The following MIPOL1 variants were observed in gnomAD, a reference collection of about 807,000 sequenced individuals.
MIPOL1 encodes mirror-image polydactyly 1, also known as mirror-image polydactyly gene 1 protein.
In MIPOL1, 57 loss-of-function variants were observed where a neutral mutation model predicts 60.9. The ratio of observed to expected loss-of-function variants is 0.94; its 90% CI spans 0.76 to 1.17. The LOEUF is 1.17. Among genes scored for constraint, MIPOL1 ranks in the 50% most tolerant of loss-of-function variants. MIPOL1 has a pLI of 0.00. For synonymous variants in MIPOL1, 179 were observed against 168.8 expected (o/e 1.06, Z -0.47); for missense variants, 551 against 511.6 (o/e 1.08, Z -0.74).
At chr14:37,538,545 A>C (rs1161383134) in intron 12 of MIPOL1, among the ~76,000 whole-genome samples, 1 of 152,226 alleles carries the variant, frequency 6.6e-6, no homozygotes, top group Non-Finnish European at 1.5e-5. Flanking sequence ...GAAATCTGAC[A>C]GGGATAAATG....
At chr14:37,505,914 A>AT (rs1294988817) in intron 12 of MIPOL1, 1 of 152,076 alleles carries the variant, frequency 6.6e-6, no homozygotes, top group Non-Finnish European at 1.5e-5. Context: ...AAGTCTCAGG[A>AT]TATAAAATCA....
chr14:37,367,963 T>C (rs2092529302), intron 9 of MIPOL1, among the ~76,000 whole-genome samples: 1 of 152,064 alleles, frequency 6.6e-6, no homozygotes, highest in Non-Finnish European at 1.5e-5. Context: ...GTTTAATATG[T>C]AGATCATGTG....
At chr14:37,515,534 T>A (rs558538005) in intron 12 of MIPOL1, among the ~76,000 whole-genome samples, 1 of 152,344 alleles carries the variant, frequency 6.6e-6, no homozygotes, top group African/African-American at 2.4e-5. Context: ...ACTGTGTATA[T>A]GTAAAAGCAT....
chr14:37,437,212 G>T (rs1031121985), intron 11 of MIPOL1, among the ~76,000 whole-genome samples: 3 of 152,006 alleles, frequency 2.0e-5, no homozygotes, highest in African/African-American at 7.2e-5. Flanking sequence ...AAAACTTCCT[G>T]GTTCTGATTG....
intron 11 of MIPOL1, among the ~76,000 whole-genome samples, chr14:37,472,126 T>C (rs1005329265): frequency 6.6e-6 from 1 of 152,198 alleles, no homozygotes; most frequent in African/African-American, 2.4e-5. Flanking sequence ...TTTGTAGTAG[T>C]CTCATAAAAT....
In MIPOL1 at chr14:37,244,104, C is replaced by CTTTTTTTTTTTTTTTTT. The variant is rs143933758; in HGVS notation, c.-198-2983_-198-2967dup. Among the ~76,000 whole-genome samples the CTTTTTTTTTTTTTTTTT allele has an allele frequency of 1.9e-4, 10 of 51,588 alleles. 3 individuals are homozygous for CTTTTTTTTTTTTTTTTT. The highest frequency in any genetic ancestry group is 3.0e-4 in the Non-Finnish European group (9 of 29,552). 33.8% of individuals were successfully genotyped at this position (51,588 alleles called of 152,430 possible). On this transcript the variant is annotated intron_variant, in intron 1 of 12. Transcript: ENST00000684589. ...TTTTCTTCCATGTAAGACTCACTTC[C>CTTTTTTTTTTTTTTTTT]TTTTTTTTTTTTTTTTTTTTTTTTT...
chr14:37,353,195 C>T (rs1315853166), intron 9 of MIPOL1, among the ~76,000 whole-genome samples: 49 of 146,834 alleles, frequency 3.3e-4, no homozygotes, highest in Middle Eastern at 3.4e-3. Flanking sequence ...TCTGTTTATA[C>T]GCTGGATTAC....
At chr14:37,359,712 T>C (rs1020965356) in intron 9 of MIPOL1, among the ~76,000 whole-genome samples, 1 of 152,230 alleles carries the variant, frequency 6.6e-6, no homozygotes, top group Admixed American at 6.5e-5. Context: ...GCTTATCAAC[T>C]TAAGGAGATT....
At chr14:37,295,067 A>G (rs2085504366) in intron 7 of MIPOL1, among the ~76,000 whole-genome samples, 1 of 152,224 alleles carries the variant, frequency 6.6e-6, no homozygotes, top group Non-Finnish European at 1.5e-5. Context: ...AGGTTGGGTT[A>G]CCCACAAAGG....
At chr14:37,491,921 CTCTG>C (rs1791278866) in intron 11 of MIPOL1, among the ~76,000 whole-genome samples, 1 of 152,204 alleles carries the variant, frequency 6.6e-6, no homozygotes, top group African/African-American at 2.4e-5. Context: ...ATTTCCCTCT[CTCTG>C]TATGTCATTC....
At chr14:37,353,574 C>G (rs975248100) in intron 9 of MIPOL1, among the ~76,000 whole-genome samples, 5 of 151,836 alleles carry the variant, frequency 3.3e-5, no homozygotes, top group Non-Finnish European at 4.4e-5. Flanking sequence ...ATTATTGCCA[C>G]AATTTCAGAT....
At chr14:37,356,727 G>GCGCTTCCCGAGTGAGGC (rs2091869422) in intron 9 of MIPOL1, among the ~76,000 whole-genome samples, 1 of 152,194 alleles carries the variant, frequency 6.6e-6, no homozygotes, top group South Asian at 2.1e-4. Context: ...CTGACCCCTT[G>GCGCTTCCCGAGTGAGGC]CGCTTCCCGA....
At chr14:37,425,851 G>T (rs1367767209) in intron 11 of MIPOL1, among the ~76,000 whole-genome samples, 8 of 152,068 alleles carry the variant, frequency 5.3e-5, no homozygotes, top group Admixed American at 5.2e-4. Context: ...TTGGAAATTC[G>T]GTGGCCATTA....
At position 37,431,745 on chromosome 14, in the gene MIPOL1, A is replaced by ATT. The variant is rs796193149; in HGVS notation, c.1031+8808_1031+8809dup. Among the ~76,000 whole-genome samples, 230 of 138,616 alleles carry ATT rather than the reference A, an allele frequency of 1.7e-3. 1 individual carries two copies. The highest frequency in any genetic ancestry group is 6.0e-3 in the African/African-American group (218 of 36,370). The allele number at this position is 138,616 out of a possible 152,430, so 90.9% of individuals were successfully genotyped here. A position where few individuals can be genotyped will look rare whatever the true frequency, so the allele number is the denominator to read the frequency against. On this transcript the variant is annotated intron_variant, in intron 11 of 12. Transcript: ENST00000684589. ...AGGCACCCGCCACCATGCCTGGCTA[A>ATT]TTTTTTTTTTTTTGTACTTTTAGTA... is the stretch of plus-strand genomic sequence containing the variant.
intron 12 of MIPOL1, among the ~76,000 whole-genome samples, chr14:37,542,328 A>C (rs958825458): frequency 1.3e-5 from 2 of 151,698 alleles, no homozygotes; most frequent in African/African-American, 2.4e-5. Flanking sequence ...TTTTGGTTCT[A>C]TCCTCTTCCT....
intron 11 of MIPOL1, among the ~76,000 whole-genome samples, chr14:37,429,664 C>G (rs1032233796): frequency 3.9e-5 from 6 of 152,002 alleles, no homozygotes; most frequent in Non-Finnish European, 8.8e-5. Flanking sequence ...AGATAGAGGC[C>G]AGATGAAATA....
intron 11 of MIPOL1, among the ~76,000 whole-genome samples, chr14:37,438,562 A>G (rs2094197469): frequency 6.6e-6 from 1 of 152,192 alleles, no homozygotes; most frequent in Non-Finnish European, 1.5e-5. Context: ...TGCCTCCCTC[A>G]GAAATACAGC....
At chr14:37,512,192 A>T (rs2095333401) in intron 12 of MIPOL1, among the ~76,000 whole-genome samples, 1 of 151,824 alleles carries the variant, frequency 6.6e-6, no homozygotes, top group South Asian at 2.1e-4. Flanking sequence ...CAGCTGTTTA[A>T]AGTCTTTTCT....
chr14:37,530,464 T>C (rs1377746199), intron 12 of MIPOL1, among the ~76,000 whole-genome samples: 1 of 152,142 alleles, frequency 6.6e-6, no homozygotes, highest in Non-Finnish European at 1.5e-5. Context: ...ATAATAGAAA[T>C]ACCCATGAGA....
Sources: allele counts gnomAD v4.1 joint callset (sites outside exome capture counted in the v4.1 genomes callset), GRCh38; gene constraint gnomAD v4.1.1; transcripts MANE v1.5; gene names NCBI Gene and HGNC (gene_info 2026-07-23, HGNC 2026-07-21).